Variants in ZFHX3 observed in about 807,000 individuals in gnomAD.
ZFHX3 encodes the protein zinc finger homeobox 3, also known as zinc finger homeobox protein 3.
A neutral mutation model predicts 279.1 loss-of-function variants in ZFHX3; 42 were observed. The observed-to-expected ratio is 0.15, with a 90% CI of 0.12 to 0.19. The LOEUF is 0.19. ZFHX3 is among the 10% of genes least tolerant of loss of function. The pLI, the probability that ZFHX3 is intolerant of heterozygous loss-of-function variation, is 1.00. For missense variants in ZFHX3, 4,981 were observed against 4,754.0 expected, an observed-to-expected ratio of 1.05 and a Z score of -1.40; for synonymous variants, 2,293 against 1,957.8, an observed-to-expected ratio of 1.17 and a Z score of -4.52.
At chr16:73,890,208 T>A (rs1253089105) in intron 1 of ZFHX3, among the ~76,000 whole-genome samples, 3 of 150,866 alleles carry the variant, frequency 2.0e-5, no homozygotes, top group Non-Finnish European at 4.4e-5. Context: ...AAATTTTTTC[T>A]TCTTGTAATT....
At chr16:73,357,280 T>A (rs760206934) in intron 3 of ZFHX3, among the ~76,000 whole-genome samples, 4 of 151,970 alleles carry the variant, frequency 2.6e-5, no homozygotes, top group Non-Finnish European at 5.9e-5. Context: ...ATAAAATGCA[T>A]CAGCAGGTTT....
At chr16:73,776,217 C>T (rs1280239350) in intron 1 of ZFHX3, among the ~76,000 whole-genome samples, 3 of 152,054 alleles carry the variant, frequency 2.0e-5, no homozygotes, top group Non-Finnish European at 2.9e-5. Context: ...GGGGAGAAGG[C>T]GACTTTCTTT....
intron 3 of ZFHX3, among the ~76,000 whole-genome samples, chr16:72,931,201 T>C (rs1959777313): frequency 6.6e-6 from 1 of 152,144 alleles, no homozygotes; most frequent in Non-Finnish European, 1.5e-5. Flanking sequence ...ACTTTCCAGA[T>C]CCACTTATGC....
chr16:73,640,228 T>C (rs907824658), intron 2 of ZFHX3, among the ~76,000 whole-genome samples: 8 of 152,152 alleles, frequency 5.3e-5, no homozygotes, highest in African/African-American at 1.4e-4. Flanking sequence ...GAGGTTTCTC[T>C]AGGGAAACTC....
chr16:73,563,744 A>G (rs1222542062), intron 2 of ZFHX3, among the ~76,000 whole-genome samples: 1 of 152,166 alleles, frequency 6.6e-6, no homozygotes, highest in Non-Finnish European at 1.5e-5. Flanking sequence ...CACCTGGAAC[A>G]GGTTATGCTC....
chr16:72,950,400 C>A, intron 3 of ZFHX3, 69 bp downstream of exon 3: 1 of 1,569,082 alleles, frequency 6.4e-7, no homozygotes, highest in Non-Finnish European at 8.7e-7. Flanking sequence ...CCCAGTGCTC[C>A]CTAACTCCCC....
intron 5 of ZFHX3, among the ~76,000 whole-genome samples, chr16:73,234,863 T>C (rs2012892927): frequency 6.6e-6 from 1 of 152,206 alleles, no homozygotes; most frequent in East Asian, 1.9e-4. Flanking sequence ...AAATTTTTCT[T>C]TTGGGCTGTG....
At chr16:73,873,504 T>C (rs1473641871) in intron 1 of ZFHX3, among the ~76,000 whole-genome samples, 3 of 152,232 alleles carry the variant, frequency 2.0e-5, no homozygotes, top group Non-Finnish European at 4.4e-5. Context: ...TATAGTGAGC[T>C]CACACCAATG....
intron 1 of ZFHX3, among the ~76,000 whole-genome samples, chr16:73,696,175 T>C (rs1768297564): frequency 6.6e-6 from 1 of 152,186 alleles, no homozygotes; most frequent in African/African-American, 2.4e-5. Flanking sequence ...AACCCTCTGC[T>C]AATTCAGGTT....
chr16:73,721,275 C>T (rs1319360956), intron 1 of ZFHX3, among the ~76,000 whole-genome samples: 1 of 152,184 alleles, frequency 6.6e-6, no homozygotes, highest in African/African-American at 2.4e-5. Flanking sequence ...GCGTGAGCCA[C>T]CACACCCAGC....
At chr16:73,457,191 A>G (rs2018386753) in intron 2 of ZFHX3, among the ~76,000 whole-genome samples, 1 of 152,190 alleles carries the variant, frequency 6.6e-6, no homozygotes, top group Non-Finnish European at 1.5e-5. Flanking sequence ...TATAGAGGAA[A>G]GTGACAGTTT....
In ZFHX3 at chr16:72,958,804, C is replaced by T. The variant is rs1289295486; in HGVS notation, c.1342G>A (p.Asp448Asn). 1.3e-5 allele frequency: 21 copies of T among 1,614,058 alleles called. No individual in the cohort carries two copies. Among genetic ancestry groups the T allele is most frequent in the Admixed American group, 1.2e-4 (7 of 60,004 alleles). Residue 448 changes from aspartate (D) to asparagine (N), a missense_variant, in exon 2 of 10, where the codon GAC (aspartate) becomes AAC (asparagine). Around this residue, in one of 7 missense-constraint regions of ZFHX3, gnomAD observed 1,068 missense variants for 935.2 expected, o/e 1.14. Transcript: ENST00000268489. ...AAEGEKQEVG[D>N]GDCFSEKVEP... is the part of the protein sequence containing the mutation. ...ACCTTCTCAGAGAAGCAATCCCCGT[C>T]GCCCACTTCCTGCTTCTCTCCTTCT... is the stretch of plus-strand genomic sequence containing the variant.
chr16:73,401,809 A>C (rs2017261702), intron 3 of ZFHX3: 1 of 152,210 alleles, frequency 6.6e-6, no homozygotes, highest in South Asian at 2.1e-4. Flanking sequence ...CTCATGCCAG[A>C]GGGAACAAAC....
At chr16:73,784,134 A>T (rs1170191024) in intron 1 of ZFHX3, among the ~76,000 whole-genome samples, 1 of 152,184 alleles carries the variant, frequency 6.6e-6, no homozygotes, top group Non-Finnish European at 1.5e-5. Flanking sequence ...AAAAAGAAAA[A>T]AAAAGGAGAC....
At chr16:72,938,695 T>C (rs1000017442) in intron 3 of ZFHX3, among the ~76,000 whole-genome samples, 3 of 152,090 alleles carry the variant, frequency 2.0e-5, no homozygotes, top group Non-Finnish European at 4.4e-5. Flanking sequence ...CTCAGAGACA[T>C]GAATTAGGGC....
rs139751573 is a variant in ZFHX3 at position 73,497,340 on chromosome 16, C to G, written c.-1546-41082G>C. On this transcript the variant is annotated intron_variant, in intron 2 of 17. Coordinates refer to the ZFHX3 transcript ENST00000641206. ...TTACACAATAGCTTGATTTTCTCTT[C>G]CTCTTGGAGAAAGACTCGGTTGTGG... is the stretch of plus-strand genomic sequence containing the variant. Among the ~76,000 whole-genome samples the G allele has an allele frequency of 3.4e-3, 525 of 152,298 alleles. 2 individuals are homozygous for G. The highest frequency in any genetic ancestry group is 5.5e-3 in the Non-Finnish European group (374 of 68,006).
chr16:73,626,077 C>G (rs893965451), intron 2 of ZFHX3, among the ~76,000 whole-genome samples: 4 of 152,060 alleles, frequency 2.6e-5, no homozygotes, highest in Non-Finnish European at 4.4e-5. Context: ...AGGATGGTCT[C>G]GATCTCCTGA....
chr16:73,078,276 C>T (rs957677877), intron 8 of ZFHX3, among the ~76,000 whole-genome samples: 2 of 152,216 alleles, frequency 1.3e-5, no homozygotes, highest in African/African-American at 4.8e-5. Context: ...CCAACATTTT[C>T]AGAATACGCC....
intron 1 of ZFHX3, among the ~76,000 whole-genome samples, chr16:73,772,874 C>T (rs141072711): frequency 3.3e-5 from 5 of 152,310 alleles, no homozygotes; most frequent in African/African-American, 1.2e-4. Context: ...GGGAGAATCT[C>T]CAGGCATCTT....
Sources: allele counts gnomAD v4.1 joint callset (sites outside exome capture counted in the v4.1 genomes callset), GRCh38; gene constraint gnomAD v4.1.1; regional missense constraint gnomAD v4.1.1; transcripts MANE v1.5; gene names NCBI Gene and HGNC (gene_info 2026-07-23, HGNC 2026-07-21).